The following EIF4E2 variants were observed in gnomAD, a reference collection of about 807,000 sequenced individuals.
The protein encoded by EIF4E2 is eukaryotic translation initiation factor 4E type 2.
A neutral mutation model predicts 34.2 loss-of-function variants in EIF4E2; 13 were observed. That is an observed-to-expected ratio of 0.38 (90% CI 0.25 to 0.60). The LOEUF (loss-of-function observed/expected upper bound fraction) is 0.60. Ranked by LOEUF, EIF4E2 falls within the 20% of genes least tolerant of loss-of-function variation. The pLI is 0.62. For missense variants in EIF4E2, 222 were observed against 315.1 expected (o/e 0.70, Z 2.24); for synonymous variants, 100 against 106.6 (o/e 0.94, Z 0.38).
chr2:232,563,956 T>G (rs1026724657), intron 3 of EIF4E2, among the ~76,000 whole-genome samples: 2 of 152,230 alleles, frequency 1.3e-5, no homozygotes, highest in African/African-American at 4.8e-5. Context: ...AGAGTGCGTA[T>G]TAACATGGTT....
chr2:232,561,612 A>C (rs1381421331), intron 3 of EIF4E2, among the ~76,000 whole-genome samples: 1 of 152,244 alleles, frequency 6.6e-6, no homozygotes, highest in Non-Finnish European at 1.5e-5. Context: ...CCTTTTATCA[A>C]ATTGAAAGCA....
intron 1 of EIF4E2, among the ~76,000 whole-genome samples, chr2:232,553,327 A>G (rs1244997155): frequency 1.3e-5 from 2 of 152,230 alleles, no homozygotes; most frequent in African/African-American, 4.8e-5. Context: ...TTTTTATTCT[A>G]TATCGTTAAC....
intron 6 of EIF4E2, among the ~76,000 whole-genome samples, chr2:232,580,308 C>A (rs2106258991): frequency 6.6e-6 from 1 of 152,144 alleles, no homozygotes; most frequent in East Asian, 1.9e-4. Flanking sequence ...GTGAATCATA[C>A]AATGTTTTCA....
At position 232,582,313 on chromosome 2, in the gene EIF4E2, G is replaced by GT. The variant is rs537681045; in HGVS notation, c.*1371dup. ...CTGGTCTCAGAGAAATCATATGAGA[G>GT]TAACAGGCATTTCCTTATTGTATTT... On this transcript the variant is annotated 3_prime_UTR_variant, in exon 7 of 7. Coordinates refer to the EIF4E2 transcript ENST00000409098. The GT allele has an allele frequency of 5.9e-5, 9 of 152,722 alleles. No homozygotes were observed. In the East Asian group the frequency reaches 1.7e-3, roughly 29 times the overall value. The allele number at this position is 152,722 out of a possible 1,614,324, so 9.5% of individuals were successfully genotyped here.
chr2:232,556,189 A>G (rs1692517487), intron 1 of EIF4E2, among the ~76,000 whole-genome samples: 1 of 152,228 alleles, frequency 6.6e-6, no homozygotes, highest in South Asian at 2.1e-4. Context: ...CTTTTTAGAA[A>G]ACTGAAAGAC....
downstream of EIF4E2, chr2:232,574,100 A>C: frequency 1.3e-6 from 1 of 764,756 alleles, no homozygotes; most frequent in Non-Finnish European, 2.3e-6. Context: ...CTCCTCGGAA[A>C]GGAAAGTCCA....
intron 6 of EIF4E2, among the ~76,000 whole-genome samples, chr2:232,580,537 GTA>G (rs1490004376): frequency 6.6e-6 from 1 of 152,186 alleles, no homozygotes; most frequent in African/African-American, 2.4e-5. Flanking sequence ...ACAGAAGGTA[GTA>G]TACCGTGTGT....
At chr2:232,565,683 TC>T (rs1692897303) in intron 4 of EIF4E2, among the ~76,000 whole-genome samples, 1 of 152,104 alleles carries the variant, frequency 6.6e-6, no homozygotes, top group Non-Finnish European at 1.5e-5. Flanking sequence ...TTTCCAACTA[TC>T]TTGTTCTTCC....
chr2:232,551,133 C>T, intron 1 of EIF4E2: 1 of 556,216 alleles, frequency 1.8e-6, no homozygotes, highest in Non-Finnish European at 3.5e-6. Flanking sequence ...CCCACACACT[C>T]CCTCTCCCCT....
At chr2:232,563,480 A>C (rs1444591599) in intron 3 of EIF4E2, among the ~76,000 whole-genome samples, 1 of 152,170 alleles carries the variant, frequency 6.6e-6, no homozygotes, top group Non-Finnish European at 1.5e-5. Context: ...CTTGATGGAA[A>C]AATATAAATC....
Position 232,551,269 on chromosome 2 carries a change from C to T in EIF4E2, c.20+525C>T, listed in dbSNP as rs991344684. 29 of 472,120 alleles carry T rather than the reference C, an allele frequency of 6.1e-5. 1 individual carries two copies. Among genetic ancestry groups the T allele is most frequent in the African/African-American group, 4.4e-4 (22 of 50,254 alleles). The allele number at this position is 472,120 out of a possible 1,614,324, so 29.2% of individuals were successfully genotyped here. On this transcript the variant is annotated intron_variant, in intron 1 of 6. Coordinates refer to ENST00000258416, the MANE Select transcript of EIF4E2 (RefSeq NM_004846.4). ...GGTGGAAGGCTGGCTTAGGAATTAT[C>T]TTCCTGAGACTCTTCCTACTTTCTT...
At chr2:232,568,664 C>T (rs1693016107) in intron 6 of EIF4E2, 1 of 985,292 alleles carries the variant, frequency 1.0e-6, no homozygotes, top group Non-Finnish European at 1.2e-6. Flanking sequence ...CTTCTCTGCT[C>T]TTCTCCCTTT....
At chr2:232,574,803 C>T (rs1226166834) in intron 6 of EIF4E2, among the ~76,000 whole-genome samples, 5 of 152,160 alleles carry the variant, frequency 3.3e-5, no homozygotes, top group African/African-American at 9.7e-5. Flanking sequence ...ATAAATTCAG[C>T]GTTTCAGCAA....
At chr2:232,568,843 A>G in intron 6 of EIF4E2, 102 bp from the exon 7 acceptor site, 22 of 1,556,034 alleles carry the variant, frequency 1.4e-5, no homozygotes, top group Non-Finnish European at 1.9e-5. Flanking sequence ...CTGTAGCTGT[A>G]GAGACCAGAA....
chr2:232,564,477 A>G, intron 4 of EIF4E2, 126 bp downstream of exon 4: 1 of 548,400 alleles, frequency 1.8e-6, no homozygotes, highest in African/African-American at 2.0e-5. Context: ...TTTGAGACGG[A>G]GTGTCGCTCT....
chr2:232,556,346 C>G lies in EIF4E2; in HGVS notation c.21-70C>G. ...TTGGTTACATAGTAGTTCGTATGACCTGGTGGCTTTGTTAGGTAAGCAAGA... is the reference window on the plus strand; with the variant it reads ...TTGGTTACATAGTAGTTCGTATGACGTGGTGGCTTTGTTAGGTAAGCAAGA... On this transcript the variant is annotated intron_variant, in intron 1 of 6. Coordinates refer to ENST00000258416, the MANE Select transcript of EIF4E2 (RefSeq NM_004846.4). The G allele has an allele frequency of 3.9e-6, 5 of 1,278,074 alleles. No homozygotes were observed. In the Admixed American group the frequency reaches 7.6e-5, roughly 20 times the overall value. 79.2% of individuals were successfully genotyped at this position (1,278,074 alleles called of 1,614,324 possible). A position where few individuals can be genotyped will look rare whatever the true frequency, so the allele number is the denominator to read the frequency against.
chr2:232,568,449 C>T, intron 6 of EIF4E2: 1 of 985,266 alleles, frequency 1.0e-6, no homozygotes. Flanking sequence ...TTGCTTTACT[C>T]TGGGCACATT....
intron 1 of EIF4E2, chr2:232,550,968 G>T: frequency 1.6e-6 from 1 of 619,792 alleles, no homozygotes; most frequent in Non-Finnish European, 2.8e-6. Context: ...CGAAGAGCTG[G>T]GCCCGGGGGA....
chr2:232,565,997 CAGG>C (rs1416648949), intron 4 of EIF4E2, among the ~76,000 whole-genome samples: 1 of 151,448 alleles, frequency 6.6e-6, no homozygotes, highest in Non-Finnish European at 1.5e-5. Flanking sequence ...GAGGCAGAGA[CAGG>C]AGAATCGCTT....
Sources: gnomAD v4.1 joint callset for allele counts (sites outside exome capture counted in the v4.1 genomes callset) on GRCh38, gnomAD v4.1.1 for gene constraint, MANE v1.5 for transcripts, NCBI Gene and HGNC (gene_info 2026-07-23, HGNC 2026-07-21) for gene names.